Variants in UNC5D observed in about 807,000 individuals in gnomAD.
UNC5D encodes the protein netrin receptor UNC5D.
UNC5D carries 39 observed loss-of-function variants against 105.4 expected under a neutral mutation model. The ratio of observed to expected loss-of-function variants is 0.37; its 90% confidence interval spans 0.29 to 0.48. UNC5D has a LOEUF of 0.48. Ranked by LOEUF, UNC5D falls within the 20% of genes least tolerant of loss-of-function variation. The probability of loss-of-function intolerance (pLI) is 0.98; values close to 1 mark genes in which losing one functional copy is unlikely to be tolerated. For synonymous variants in UNC5D, 452 were observed against 450.4 expected, an observed-to-expected ratio of 1.00 and a Z score of -0.04; for missense variants, 991 against 1,202.4, an observed-to-expected ratio of 0.82 and a Z score of 2.60.
chr8:35,350,478 T>C (rs1812161662), intron 1 of UNC5D, among the ~76,000 whole-genome samples: 1 of 151,982 alleles, frequency 6.6e-6, no homozygotes. Context: ...TGTTTAATGT[T>C]TGAATAATTT....
At chr8:35,675,253 C>T (rs1192640203) in intron 4 of UNC5D, among the ~76,000 whole-genome samples, 1 of 152,140 alleles carries the variant, frequency 6.6e-6, no homozygotes, top group Non-Finnish European at 1.5e-5. Context: ...CCTCCCTTAC[C>T]TCTATCCGTA....
chr8:35,564,444 C>T (rs1180493961), intron 2 of UNC5D, among the ~76,000 whole-genome samples: 1 of 152,120 alleles, frequency 6.6e-6, no homozygotes, highest in Non-Finnish European at 1.5e-5. Context: ...TTCTCTCTCC[C>T]ACCTTTTACT....
At chr8:35,673,037 T>A (rs189449828) in intron 4 of UNC5D, among the ~76,000 whole-genome samples, 1 of 152,332 alleles carries the variant, frequency 6.6e-6, no homozygotes, top group Admixed American at 6.5e-5. Context: ...CATGAGGTTT[T>A]CTATCATTTG....
intron 1 of UNC5D, among the ~76,000 whole-genome samples, chr8:35,530,284 TC>T (rs1286426427): frequency 1.7e-5 from 2 of 120,892 alleles, no homozygotes; most frequent in Non-Finnish European, 3.4e-5. Flanking sequence ...AAAGGCTTTT[TC>T]TGCATCTATT....
chr8:35,474,620 A>C lies in UNC5D; in HGVS notation c.104-74672A>C, dbSNP rs1585926262. On this transcript the variant is annotated intron_variant, in intron 1 of 16. Transcript: ENST00000404895. Reference sequence around the variant, plus strand: ...GAAGCTGTGGGGCTTTCTCTGCCTCAGCAACCTTGGAGGCCCCCTGTGGCG... The same window carrying C: ...GAAGCTGTGGGGCTTTCTCTGCCTCCGCAACCTTGGAGGCCCCCTGTGGCG... Among the ~76,000 whole-genome samples the C allele has an allele frequency of 2.0e-5, 3 of 152,286 alleles. No homozygotes were observed. In the East Asian group the frequency reaches 5.8e-4, roughly 29 times the overall value.
chr8:35,656,920 C>T (rs1823771539), intron 4 of UNC5D, among the ~76,000 whole-genome samples: 1 of 151,394 alleles, frequency 6.6e-6, no homozygotes, highest in African/African-American at 2.4e-5. Context: ...CATGCCTCTC[C>T]AAAAACAAGT....
intron 4 of UNC5D, among the ~76,000 whole-genome samples, chr8:35,663,188 T>C (rs1824216423): frequency 6.6e-6 from 1 of 152,158 alleles, no homozygotes. Context: ...AATGAATGGA[T>C]TGACCTGAGG....
intron 4 of UNC5D, among the ~76,000 whole-genome samples, chr8:35,610,907 A>G (rs1322635108): frequency 2.0e-5 from 3 of 151,678 alleles, no homozygotes; most frequent in Admixed American, 6.6e-5. Flanking sequence ...GACTCTGGCT[A>G]CTAACTTTGT....
At position 35,724,231 on chromosome 8, in the gene UNC5D, T is replaced by G. The variant is rs1828737456; in HGVS notation, c.1303+1836T>G. 3.3e-6 allele frequency: 5 copies of G among 1,529,358 alleles called. No homozygotes were observed. In the East Asian group the frequency reaches 1.2e-4, roughly 37 times the overall value. 94.7% of individuals were successfully genotyped at this position (1,529,358 alleles called of 1,614,324 possible). On this transcript the variant is annotated intron_variant, in intron 9 of 16. Coordinates refer to ENST00000404895, the MANE Select transcript of UNC5D (RefSeq NM_080872.4). ...TCTTACCAAACTTACCTGACCATTT[T>G]GTTTTATTTTTATTTTTAGCCAAGA...
intron 16 of UNC5D, among the ~76,000 whole-genome samples, chr8:35,783,325 G>T (rs1802594788): frequency 6.6e-6 from 1 of 152,072 alleles, no homozygotes; most frequent in African/African-American, 2.4e-5. Context: ...TCTTTGCTAA[G>T]AATATGGGGC....
chr8:35,322,971 G>T (rs1809863553), intron 1 of UNC5D, among the ~76,000 whole-genome samples: 1 of 152,022 alleles, frequency 6.6e-6, no homozygotes, highest in Non-Finnish European at 1.5e-5. Flanking sequence ...TATCTTACAG[G>T]CTTCTTTATT....
intron 1 of UNC5D, among the ~76,000 whole-genome samples, chr8:35,375,746 T>C (rs1802663535): frequency 6.6e-6 from 1 of 152,200 alleles, no homozygotes; most frequent in Non-Finnish European, 1.5e-5. Context: ...TTTCTAAAGC[T>C]ATAAAGGAAT....
At position 35,504,403 on chromosome 8, in the gene UNC5D, T is replaced by C. The variant is rs531398829; in HGVS notation, c.104-44889T>C. Among the ~76,000 whole-genome samples the C allele has an allele frequency of 4.4e-4, 67 of 152,298 alleles. 1 individual carries two copies. The highest frequency in any genetic ancestry group is 2.7e-3 in the South Asian group (13 of 4,820). ...GTGCTATGCAGTTGTTAGCTCTTAGTTTTCAATCCTCTTTGGGAATACCCA... is the reference window on the plus strand; with the variant it reads ...GTGCTATGCAGTTGTTAGCTCTTAGCTTTCAATCCTCTTTGGGAATACCCA... On this transcript the variant is annotated intron_variant, in intron 1 of 16. Transcript: ENST00000404895.
At chr8:35,562,664 T>C (rs1817042605) in intron 2 of UNC5D, among the ~76,000 whole-genome samples, 1 of 152,118 alleles carries the variant, frequency 6.6e-6, no homozygotes, top group Non-Finnish European at 1.5e-5. Context: ...AAATCTTTTG[T>C]TCTGTTTTTT....
chr8:35,480,940 G>A (rs1397293267), intron 1 of UNC5D, among the ~76,000 whole-genome samples: 1 of 152,146 alleles, frequency 6.6e-6, no homozygotes, highest in East Asian at 1.9e-4. Flanking sequence ...GGCTTAAGAT[G>A]ACAATTAGAT....
intron 4 of UNC5D, among the ~76,000 whole-genome samples, chr8:35,608,121 C>A (rs1820434946): frequency 1.3e-5 from 2 of 152,036 alleles, no homozygotes; most frequent in Non-Finnish European, 2.9e-5. Context: ...ACATGAATGT[C>A]TGGGGACTGC....
chr8:35,392,578 A>G (rs1803843001), intron 1 of UNC5D, among the ~76,000 whole-genome samples: 1 of 152,132 alleles, frequency 6.6e-6, no homozygotes, highest in Non-Finnish European at 1.5e-5. Flanking sequence ...TCGCAAAGTT[A>G]CACCTCTGTC....
chr8:35,573,419 C>T (rs929813365), intron 3 of UNC5D, among the ~76,000 whole-genome samples: 9 of 151,938 alleles, frequency 5.9e-5, no homozygotes, highest in African/African-American at 1.7e-4. Context: ...ATAGCCACTG[C>T]ACTCCAGCCT....
At chr8:35,638,134 A>G (rs141884942) in intron 4 of UNC5D, among the ~76,000 whole-genome samples, 1 of 152,344 alleles carries the variant, frequency 6.6e-6, no homozygotes, top group East Asian at 1.9e-4. Context: ...TGCTTTTAAA[A>G]TTCACAATAG....
Sources: allele counts gnomAD v4.1 joint callset (sites outside exome capture counted in the v4.1 genomes callset), GRCh38; gene constraint gnomAD v4.1.1; transcripts MANE v1.5; gene names NCBI Gene and HGNC (gene_info 2026-07-23, HGNC 2026-07-21).